Variants in KDM4B observed in about 807,000 individuals in gnomAD.
KDM4B encodes lysine demethylase 4B, also known as lysine-specific demethylase 4B.
KDM4B carries 32 observed loss-of-function variants against 125.2 expected under a neutral mutation model. That is an observed-to-expected ratio of 0.26 (90% confidence interval 0.19 to 0.34). The LOEUF (loss-of-function observed/expected upper bound fraction) is 0.34, where lower values mean the gene tolerates loss of function less well. Among genes scored for constraint, KDM4B ranks in the 10% least tolerant of loss-of-function variants. The pLI is 1.00. For missense variants in KDM4B, 1,190 were observed against 1,577.7 expected (o/e 0.75, Z 4.16); for synonymous variants, 721 against 677.9 (o/e 1.06, Z -0.99).
intron 1 of KDM4B, among the ~76,000 whole-genome samples, chr19:4,970,452 C>T (rs561871409): frequency 6.6e-5 from 10 of 152,034 alleles, no homozygotes; most frequent in African/African-American, 2.2e-4. Flanking sequence ...TGGGTCCCAC[C>T]GGGTGCCTGC....
chr19:5,000,070 C>G (rs1325575614), intron 1 of KDM4B, among the ~76,000 whole-genome samples: 1 of 139,674 alleles, frequency 7.2e-6, no homozygotes, highest in African/African-American at 2.6e-5. Context: ...ATCCATCTAT[C>G]CACCTGTCCA....
At chr19:5,031,576 G>A (rs976474584) in intron 2 of KDM4B, among the ~76,000 whole-genome samples, 9 of 152,156 alleles carry the variant, frequency 5.9e-5, no homozygotes, top group Non-Finnish European at 7.3e-5. Context: ...AGCCCAGCGC[G>A]GGGTGTGACG....
intron 5 of KDM4B, among the ~76,000 whole-genome samples, chr19:5,043,516 G>T (rs7257002): frequency 0.32 from 46,053 of 142,946 alleles, 7,716 homozygotes; most frequent in Non-Finnish European, 0.36. Flanking sequence ...CGGAGTGGGG[G>T]TGTCCACCAT....
chr19:5,089,722 C>T (rs1399461452), intron 9 of KDM4B, among the ~76,000 whole-genome samples: 1 of 151,356 alleles, frequency 6.6e-6, no homozygotes, highest in Non-Finnish European at 1.5e-5. Context: ...AACCCACATA[C>T]TCCTCTTTCC....
intron 2 of KDM4B, among the ~76,000 whole-genome samples, chr19:5,020,349 G>C (rs1234559265): frequency 6.6e-6 from 1 of 152,082 alleles, no homozygotes; most frequent in Non-Finnish European, 1.5e-5. Flanking sequence ...GTAGGTGTTG[G>C]TGTGCAGGTG....
chr19:5,116,235 T>TAAA (rs35940660), intron 10 of KDM4B, among the ~76,000 whole-genome samples: 417 of 40,344 alleles, frequency 0.01, 18 homozygotes, highest in African/African-American at 0.012. Flanking sequence ...ACCACATCTC[T>TAAA]AAAAAAAAAA....
chr19:5,026,332 G>GGC (rs1218610817), intron 2 of KDM4B, among the ~76,000 whole-genome samples: 1 of 151,962 alleles, frequency 6.6e-6, no homozygotes, highest in East Asian at 2.0e-4. Flanking sequence ...GCCTTAAAAT[G>GGC]TTTTTGAGAT....
intron 7 of KDM4B, among the ~76,000 whole-genome samples, chr19:5,071,393 C>T (rs1328185152): frequency 6.6e-6 from 1 of 152,238 alleles, no homozygotes; most frequent in Non-Finnish European, 1.5e-5. Flanking sequence ...CATTTTCCTC[C>T]CATCACCTGA....
intron 1 of KDM4B, among the ~76,000 whole-genome samples, chr19:5,015,387 G>A (rs1201977515): frequency 2.0e-5 from 3 of 152,160 alleles, no homozygotes; most frequent in Non-Finnish European, 4.4e-5. Flanking sequence ...GAGTAGCTGG[G>A]ATTACAGGTG....
At chr19:5,145,910 A>C (rs2039833137) in intron 21 of KDM4B, among the ~76,000 whole-genome samples, 1 of 152,224 alleles carries the variant, frequency 6.6e-6, no homozygotes, top group African/African-American at 2.4e-5. Context: ...ACGTCGGTTA[A>C]GGTGAAAACC....
At chr19:5,058,982 G>A (rs955468825) in intron 6 of KDM4B, among the ~76,000 whole-genome samples, 1 of 152,350 alleles carries the variant, frequency 6.6e-6, no homozygotes, top group Admixed American at 6.5e-5. Flanking sequence ...ATCCCGCCAG[G>A]CGGTGTTTGG....
chr19:5,050,945 G>A (rs2037201621), intron 6 of KDM4B, among the ~76,000 whole-genome samples: 1 of 152,158 alleles, frequency 6.6e-6, no homozygotes, highest in African/African-American at 2.4e-5. Flanking sequence ...CCTGGAACCT[G>A]GGGTGGGGGT....
chr19:5,003,673 G>A (rs2035463052), intron 1 of KDM4B, among the ~76,000 whole-genome samples: 2 of 152,074 alleles, frequency 1.3e-5, no homozygotes, highest in South Asian at 4.1e-4. Context: ...GCTGGGCATG[G>A]TGGTGGGCGC....
intron 1 of KDM4B, among the ~76,000 whole-genome samples, chr19:4,994,745 T>C (rs2035146543): frequency 6.6e-6 from 1 of 152,158 alleles, no homozygotes. Context: ...ATTTCCCTTT[T>C]TGTTTTCTAT....
At chr19:5,036,015 G>C (rs1004778094) in intron 3 of KDM4B, among the ~76,000 whole-genome samples, 1 of 152,194 alleles carries the variant, frequency 6.6e-6, no homozygotes, top group Non-Finnish European at 1.5e-5. Context: ...CTGCAGCTCT[G>C]TGGGGACAGA....
rs1024071212 is a variant in KDM4B, at chr19:4,997,073, G to A, written c.-108-19184G>A. Among the ~76,000 whole-genome samples, 3 of 152,084 alleles carry A rather than the reference G, an allele frequency of 2.0e-5. No individual in the cohort carries two copies. The highest frequency in any genetic ancestry group is 1.9e-4 in the East Asian group (1 of 5,186). ...CATCCCTGGCCTCCACCCCCTCCAC[G>A]CCAGCACCACCCTCAGTCGTGACAG... On this transcript the variant is annotated intron_variant, in intron 1 of 22. Transcript: ENST00000159111. This position sits in a 1 kb window ranked among gnomAD's most constrained non-coding sequence, Gnocchi z 4.2.
intron 1 of KDM4B, among the ~76,000 whole-genome samples, chr19:5,001,474 A>G (rs1012644728): frequency 6.6e-6 from 1 of 152,090 alleles, no homozygotes; most frequent in South Asian, 2.1e-4. Context: ...AAGTCCACCC[A>G]GTGTCTCTCC....
chr19:5,016,207 T>C (rs532360599), intron 1 of KDM4B, 50 bp from the exon 2 acceptor site: 29 of 152,368 alleles, frequency 1.9e-4, no homozygotes, highest in African/African-American at 6.7e-4. Context: ...GAATTAAAAC[T>C]TGAGCGTGCC....
chr19:5,001,048 T>G (rs1278504079), intron 1 of KDM4B, among the ~76,000 whole-genome samples: 1 of 151,996 alleles, frequency 6.6e-6, no homozygotes, highest in African/African-American at 2.4e-5. Flanking sequence ...TTTTTTTTTT[T>G]TGAGACAGAG....
Sources: allele counts gnomAD v4.1 joint callset (sites outside exome capture counted in the v4.1 genomes callset), GRCh38; gene constraint gnomAD v4.1.1; non-coding constraint Gnocchi (gnomAD v3.1); transcripts MANE v1.5; gene names NCBI Gene and HGNC (gene_info 2026-07-23, HGNC 2026-07-21).